NDST3: variants seen among roughly 807,000 people sequenced by gnomAD.
The protein encoded by NDST3 is bifunctional heparan sulfate N-deacetylase/N-sulfotransferase 3.
NDST3 carries 58 observed loss-of-function variants against 96.1 expected under a neutral mutation model. The observed-to-expected ratio is 0.60, with a 90% CI of 0.49 to 0.75. The LOEUF (loss-of-function observed/expected upper bound fraction) is 0.75, where lower values mean the gene tolerates loss of function less well. Ranked by LOEUF, NDST3 falls within the 30% of genes least tolerant of loss-of-function variation. NDST3 has a pLI of 0.00. For missense variants in NDST3, 788 were observed against 1,034.2 expected, an observed-to-expected ratio of 0.76 and a Z score of 3.27; for synonymous variants, 333 against 359.7, an observed-to-expected ratio of 0.93 and a Z score of 0.84.
At chr4:118,033,937 G>A (rs996147734), upstream of NDST3, 2 of 152,336 alleles carry the variant, frequency 1.3e-5, no homozygotes, top group African/African-American at 2.4e-5. Context: ...GACGGGGCCG[G>A]TCTCCTCGCC....
Position 118,060,656 on chromosome 4 carries a change from C to T in NDST3, c.981+5765C>T, listed in dbSNP as rs529573228. ...TCTTCTTTCTCTCTCTTCCTTTTTA[C>T]CTTCATTTGAATTGTCAGTTTCTTT... On this transcript the variant is annotated intron_variant, in intron 2 of 13. Transcript: ENST00000296499. Among the ~76,000 whole-genome samples the T allele has an allele frequency of 2.6e-5, 4 of 152,074 alleles. No homozygotes were observed. In the East Asian group the frequency reaches 7.7e-4, roughly 29 times the overall value.
At chr4:118,074,637 G>C (rs979555386) in intron 2 of NDST3, among the ~76,000 whole-genome samples, 1 of 152,134 alleles carries the variant, frequency 6.6e-6, no homozygotes, top group African/African-American at 2.4e-5. Flanking sequence ...GGGTGTCACT[G>C]CATGTGAGAT....
chr4:118,191,246 G>T (rs1046876303), intron 6 of NDST3, among the ~76,000 whole-genome samples: 2 of 152,094 alleles, frequency 1.3e-5, no homozygotes, highest in Non-Finnish European at 2.9e-5. Context: ...TAGATAAGAC[G>T]GCCAGAAAAG....
At chr4:118,052,278 A>C (rs776353236) in intron 1 of NDST3, among the ~76,000 whole-genome samples, 7 of 152,116 alleles carry the variant, frequency 4.6e-5, no homozygotes, top group Non-Finnish European at 8.8e-5. Context: ...AAATTAACTC[A>C]GGAACAGACA....
At chr4:118,043,380 G>C (rs1226563242) in intron 1 of NDST3, among the ~76,000 whole-genome samples, 1 of 152,170 alleles carries the variant, frequency 6.6e-6, no homozygotes, top group Non-Finnish European at 1.5e-5. Context: ...ATAGGCAAAA[G>C]AAAGGTACTA....
At chr4:118,115,481 G>A (rs1282292780) in intron 4 of NDST3, among the ~76,000 whole-genome samples, 1 of 152,110 alleles carries the variant, frequency 6.6e-6, no homozygotes. Context: ...TGAGGCTGAG[G>A]GAAAAGAGCA....
intron 2 of NDST3, among the ~76,000 whole-genome samples, chr4:118,089,856 A>G (rs1394480726): frequency 2.0e-5 from 3 of 151,960 alleles, no homozygotes; most frequent in Non-Finnish European, 2.9e-5. Flanking sequence ...AACTTTGAGA[A>G]CAAGGTGAAA....
At chr4:118,230,013 C>T (rs905091954) in intron 8 of NDST3, among the ~76,000 whole-genome samples, 2 of 152,028 alleles carry the variant, frequency 1.3e-5, no homozygotes, top group African/African-American at 2.4e-5. Context: ...TATTTTCTTC[C>T]CCACTACACA....
intron 8 of NDST3, among the ~76,000 whole-genome samples, chr4:118,228,525 C>T (rs1354207609): frequency 2.6e-5 from 4 of 152,110 alleles, no homozygotes; most frequent in African/African-American, 9.7e-5. Context: ...TGGCATTTGT[C>T]GTTGGAAAAG....
rs1211092610 is a variant in NDST3 at position 118,066,242 on chromosome 4, A to ATATATAT, written c.981+11366_981+11372dup. ...TAATATATTATATATATTATATATT[A>ATATATAT]TATATATTATATATTATATATATTA... On this transcript the variant is annotated intron_variant, in intron 2 of 13. Transcript: ENST00000296499. Among the ~76,000 whole-genome samples the ATATATAT allele has an allele frequency of 3.9e-5, 2 of 51,472 alleles. 1 individual carries two copies. Among genetic ancestry groups the ATATATAT allele is most frequent in the African/African-American group, 1.6e-4 (2 of 12,488 alleles). The allele number at this position is 51,472 out of a possible 152,430, so 33.8% of individuals were successfully genotyped here.
chr4:118,149,286 G>C (rs948067887), intron 6 of NDST3, among the ~76,000 whole-genome samples: 1 of 151,862 alleles, frequency 6.6e-6, no homozygotes, highest in Non-Finnish European at 1.5e-5. Flanking sequence ...TTCCAATTCT[G>C]TGAAGAAAGT....
intron 6 of NDST3, among the ~76,000 whole-genome samples, chr4:118,199,004 T>C (rs144793338): frequency 0.02 from 3,067 of 152,266 alleles, 42 homozygotes; most frequent in South Asian, 0.033. Context: ...CCTTTGCAAG[T>C]TGAATTACCA....
At chr4:118,188,444 T>C (rs1279778278) in intron 6 of NDST3, among the ~76,000 whole-genome samples, 1 of 151,970 alleles carries the variant, frequency 6.6e-6, no homozygotes, top group Non-Finnish European at 1.5e-5. Context: ...AAGTTCTCCC[T>C]GAGTCCACAT....
intron 6 of NDST3, among the ~76,000 whole-genome samples, chr4:118,204,600 A>G (rs1440024788): frequency 6.9e-6 from 1 of 144,528 alleles, no homozygotes. Context: ...GTCTATTTAA[A>G]CTTCCATTGA....
At chr4:118,071,007 G>A (rs1727023869) in intron 2 of NDST3, among the ~76,000 whole-genome samples, 1 of 151,996 alleles carries the variant, frequency 6.6e-6, no homozygotes, top group African/African-American at 2.4e-5. Context: ...AGTTTGCTGA[G>A]AATGATGGTT....
chr4:118,230,236 A>G (rs575230730), intron 8 of NDST3, among the ~76,000 whole-genome samples: 1 of 152,294 alleles, frequency 6.6e-6, no homozygotes, highest in Admixed American at 6.5e-5. Flanking sequence ...GTGATTCTCA[A>G]GGGTGGTTGC....
At chr4:118,149,831 G>C (rs1476795276) in intron 6 of NDST3, among the ~76,000 whole-genome samples, 1 of 152,174 alleles carries the variant, frequency 6.6e-6, no homozygotes, top group Non-Finnish European at 1.5e-5. Flanking sequence ...CCTGTCTTGT[G>C]CCAATTTTTA....
At chr4:118,119,769 C>G (rs1335881249) in intron 4 of NDST3, among the ~76,000 whole-genome samples, 1 of 152,170 alleles carries the variant, frequency 6.6e-6, no homozygotes, top group Non-Finnish European at 1.5e-5. Flanking sequence ...TTACCCCTAT[C>G]CTGCTACCAC....
intron 3 of NDST3, among the ~76,000 whole-genome samples, chr4:118,109,448 A>T (rs1206143129): frequency 3.3e-5 from 5 of 152,162 alleles, no homozygotes; most frequent in Non-Finnish European, 7.4e-5. Flanking sequence ...GATGCTAGCC[A>T]ATTCATGTCA....
Sources: gnomAD v4.1 joint callset for allele counts (sites outside exome capture counted in the v4.1 genomes callset) on GRCh38, gnomAD v4.1.1 for gene constraint, MANE v1.5 for transcripts, NCBI Gene and HGNC (gene_info 2026-07-23, HGNC 2026-07-21) for gene names.